SYCE1L: variants seen among roughly 807,000 people sequenced by gnomAD.
The protein encoded by SYCE1L is synaptonemal complex central element protein 1-like.
A neutral mutation model predicts 39.6 loss-of-function variants in SYCE1L; 51 were observed. The ratio of observed to expected loss-of-function variants is 1.29; its 90% CI spans 1.03 to 1.63. The LOEUF is 1.63. Among genes scored for constraint, SYCE1L ranks in the 40% most tolerant of loss-of-function variants. The probability of loss-of-function intolerance (pLI) is 0.00; values close to 1 mark genes in which losing one functional copy is unlikely to be tolerated. For missense variants in SYCE1L, 426 were observed against 304.9 expected, an observed-to-expected ratio of 1.40 and a Z score of -2.96; for synonymous variants, 147 against 122.4, an observed-to-expected ratio of 1.20 and a Z score of -1.33.
Position 77,212,829 on chromosome 16 carries a change from G to A in SYCE1L, c.655-28G>A, listed in dbSNP as rs2054835366. ...CGGACGCGAGGAGCGTAGGAACCTG[G>A]TCCGCAGCCTCACCCAGCCCCCGGC... On this transcript the variant is annotated intron_variant, in intron 10 of 10. Transcript: ENST00000378644. The A allele has an allele frequency of 2.7e-6, 4 of 1,460,180 alleles. No individual in the cohort carries two copies. In the Middle Eastern group the frequency reaches 6.9e-4, roughly 251 times the overall value. The allele number at this position is 1,460,180 out of a possible 1,614,324, so 90.5% of individuals were successfully genotyped here. A position where few individuals can be genotyped will look rare whatever the true frequency, so the allele number is the denominator to read the frequency against.
intron 1 of SYCE1L, among the ~76,000 whole-genome samples, 173 bp from the exon 2 acceptor site, chr16:77,206,268 A>G (rs996375870): frequency 3.3e-5 from 5 of 152,102 alleles, no homozygotes; most frequent in Non-Finnish European, 5.9e-5. Context: ...AGCACACACT[A>G]TAAACCTCAA....
chr16:77,209,246 G>A (rs750320743), intron 5 of SYCE1L, 102 bp downstream of exon 5: 182 of 1,407,878 alleles, frequency 1.3e-4, no homozygotes, highest in Non-Finnish European at 1.7e-4. Flanking sequence ...CCTAAGGCAG[G>A]GTGCTTCCCT....
intron 2 of SYCE1L, among the ~76,000 whole-genome samples, 164 bp from the exon 3 acceptor site, chr16:77,208,046 C>G (rs763387651): frequency 8.5e-5 from 13 of 152,194 alleles, no homozygotes; most frequent in Non-Finnish European, 1.6e-4. Context: ...TCTTGCCAAC[C>G]CAGAATGCAA....
intron 1 of SYCE1L, among the ~76,000 whole-genome samples, chr16:77,205,879 C>G (rs2054782539): frequency 6.6e-6 from 1 of 152,060 alleles, no homozygotes; most frequent in African/African-American, 2.4e-5. Context: ...AGTCCTCAAA[C>G]TTAGCTGAAA....
intron 7 of SYCE1L, 66 bp from the exon 8 acceptor site, chr16:77,212,064 G>C: frequency 6.7e-7 from 1 of 1,490,938 alleles, no homozygotes. Context: ...AAGCACAAAA[G>C]GGGAGGGGCG....
chr16:77,199,474 T>C lies in SYCE1L; in HGVS notation c.23T>C (p.Leu8Pro). Residue 8 changes from leucine to proline, a missense_variant, in exon 1 of 11, where the codon CTG (leucine) becomes CCG (proline). Leu to Pro is a moderately conservative substitution (Grantham distance 98). Coordinates refer to ENST00000378644, the MANE Select transcript of SYCE1L (RefSeq NM_001129979.3). ...AAAATGGCGGGGAAGCTGAAACCTC[T>C]GAATGTGGAGGCGCCAGAAGCTACT... MAGKLKP[L>P]NVEAPEATEE... is the part of the protein sequence containing the mutation. 3.2e-6 allele frequency: 5 copies of C among 1,551,478 alleles called. No individual in the cohort carries two copies. The highest frequency in any genetic ancestry group is 4.4e-6 in the Non-Finnish European group (5 of 1,146,962).
intron 1 of SYCE1L, among the ~76,000 whole-genome samples, chr16:77,203,468 A>G (rs1200193810): frequency 1.4e-4 from 3 of 21,752 alleles, no homozygotes; most frequent in South Asian, 1.4e-3. Flanking sequence ...AAATATTTCA[A>G]AAAAAAATCT....
Position 77,213,051 on chromosome 16 carries a change from G to C in SYCE1L, c.*120G>C. The C allele has an allele frequency of 1.8e-6, 2 of 1,099,176 alleles. No homozygotes were observed. The highest frequency in any genetic ancestry group is 2.4e-6 in the Non-Finnish European group (2 of 842,914). The allele number at this position is 1,099,176 out of a possible 1,614,324, so 68.1% of individuals were successfully genotyped here. ...TGTGCTACACCGTGGAGCGGGGCGG[G>C]GCGTGCTGGGATCTCGAGGCGGGGC... On this transcript the variant is annotated 3_prime_UTR_variant, in exon 11 of 11. Transcript: ENST00000378644.
In SYCE1L at chr16:77,212,559, G is replaced by C. The variant is rs2054832403; in HGVS notation, c.582-15G>C. ...TCGCTCTCTTCCTCCTGTCTCCTCG[G>C]CCCCTTCTCCGCAGGCTGAAGGCGG... On this transcript the variant is annotated splice_polypyrimidine_tract_variant and intron_variant, in intron 9 of 10. Transcript: ENST00000378644. 2 of 1,536,712 alleles carry C rather than the reference G, an allele frequency of 1.3e-6. No individual in the cohort carries two copies. The highest frequency in any genetic ancestry group is 2.4e-5 in the East Asian group (1 of 40,872).
Position 77,212,327 on chromosome 16 carries a change from A to C in SYCE1L, c.539A>C (p.His180Pro), listed in dbSNP as rs563915036. The change falls in exon 9 of 11, where the codon CAC becomes CCC. Residue 180 changes from histidine to proline, a missense_variant. By Grantham distance (77) the His-to-Pro change is moderately conservative (BLOSUM62 -2). Coordinates refer to ENST00000378644, the MANE Select transcript of SYCE1L (RefSeq NM_001129979.3). The stretch of plus-strand genomic sequence containing the variant: ...CTGCGGGAGGTGGAGCGGCGGCTGC[A>C]CTCGCCGCCTGAGGTCGAGGGCGCC... ...AKLREVERRLHSPPEVEGAMA... is the reference protein window; with the variant it reads ...AKLREVERRLPSPPEVEGAMA... 1,195 of 1,522,308 alleles carry C rather than the reference A, an allele frequency of 7.8e-4. 7 individuals are homozygous for C. Among genetic ancestry groups the C allele is most frequent in the South Asian group, 6.5e-3 (523 of 80,488 alleles). 94.3% of individuals were successfully genotyped at this position (1,522,308 alleles called of 1,614,324 possible). A position where few individuals can be genotyped will look rare whatever the true frequency, so the allele number is the denominator to read the frequency against.
intron 2 of SYCE1L, 85 bp downstream of exon 2, chr16:77,206,585 A>G: frequency 7.4e-7 from 1 of 1,351,512 alleles, no homozygotes; most frequent in South Asian, 1.3e-5. Flanking sequence ...TGAACTCACA[A>G]CCTCAGGAAA....
At chr16:77,205,838 C>T (rs972135816) in intron 1 of SYCE1L, among the ~76,000 whole-genome samples, 3 of 152,096 alleles carry the variant, frequency 2.0e-5, no homozygotes, top group East Asian at 1.9e-4. Context: ...GAGCACTCCC[C>T]AAGGCAGCTT....
intron 1 of SYCE1L, chr16:77,202,117 C>G (rs2054749638): frequency 6.6e-6 from 1 of 152,046 alleles, no homozygotes; most frequent in Admixed American, 6.5e-5. Context: ...GGAGAAGAGG[C>G]AAAATGTTGA....
At chr16:77,210,710 A>C (rs1213677099) in intron 6 of SYCE1L, among the ~76,000 whole-genome samples, 1 of 152,176 alleles carries the variant, frequency 6.6e-6, no homozygotes, top group African/African-American at 2.4e-5. Context: ...GGGAAGGCAG[A>C]GTTCATTCCA....
chr16:77,212,942 C>A lies in SYCE1L; in HGVS notation c.*11C>A. 6.7e-7 allele frequency: 1 copy of A among 1,491,738 alleles called. No individual in the cohort carries two copies. The highest frequency in any genetic ancestry group is 2.5e-5 in the East Asian group (1 of 39,332). 92.4% of individuals were successfully genotyped at this position (1,491,738 alleles called of 1,614,324 possible). On this transcript the variant is annotated 3_prime_UTR_variant, in exon 11 of 11. Coordinates refer to ENST00000378644, the MANE Select transcript of SYCE1L (RefSeq NM_001129979.3). ...CCTGACGCCCTCTAGGCCAGCAGGA[C>A]CCGCCCGTTCCCGACCTTCCCTCGA...
intron 1 of SYCE1L, among the ~76,000 whole-genome samples, chr16:77,204,491 G>T (rs897589082): frequency 2.0e-5 from 3 of 152,192 alleles, no homozygotes; most frequent in Admixed American, 2.0e-4. Context: ...CACAGACAGG[G>T]AAGACCCAGT....
chr16:77,212,610 C>G lies in SYCE1L; in HGVS notation c.618C>G (p.Val206=). 1 of 1,535,770 alleles carries G rather than the reference C, an allele frequency of 6.5e-7. No individual in the cohort carries two copies. Among genetic ancestry groups the G allele is most frequent in the Non-Finnish European group, 8.7e-7 (1 of 1,146,368 alleles). ...AGCTGGAGATATTCGGGGAGCAGGT[C>G]CGGAGCGCCCCCGAGGTCGGGGCCG... ...KAELEIFGEQ[V]RSAPEVGAGE... Residue 206 remains valine (V), a synonymous_variant, in exon 10 of 11, where the codon GTC becomes GTG. Transcript: ENST00000378644.
At chr16:77,210,517 T>G (rs886600805) in intron 6 of SYCE1L, among the ~76,000 whole-genome samples, 3 of 152,118 alleles carry the variant, frequency 2.0e-5, no homozygotes, top group African/African-American at 7.2e-5. Context: ...ACAATGATAA[T>G]TATAGGAGTT....
chr16:77,208,500 CA>C lies in SYCE1L; in HGVS notation c.218del (p.His73ProfsTer11), dbSNP rs2054801324. ...KKSSEELRET[H>X]SLWEALHREL... The stretch of plus-strand genomic sequence containing the variant: ...ATCCAGTGAGGAACTGAGAGAGACC[CA>C]CAGTCTCTGGGAGGCCCTGCATAGG... On this transcript the variant is annotated frameshift_variant, in exon 4 of 11. Coordinates refer to ENST00000378644, the MANE Select transcript of SYCE1L (RefSeq NM_001129979.3). LOFTEE classifies it high-confidence loss of function. 3.2e-6 allele frequency: 5 copies of C among 1,551,668 alleles called. No homozygotes were observed. The highest frequency in any genetic ancestry group is 4.4e-6 in the Non-Finnish European group (5 of 1,146,986).
Sources: allele counts gnomAD v4.1 joint callset (sites outside exome capture counted in the v4.1 genomes callset), GRCh38; gene constraint gnomAD v4.1.1; transcripts MANE v1.5; gene names NCBI Gene and HGNC (gene_info 2026-07-23, HGNC 2026-07-21).